CRTC2: variants seen among roughly 807,000 people sequenced by gnomAD.
The protein encoded by CRTC2 is CREB regulated transcription coactivator 2, also known as CREB-regulated transcription coactivator 2.
In CRTC2, 25 loss-of-function variants were observed where a neutral mutation model predicts 70.9. The ratio of observed to expected loss-of-function variants is 0.35; its 90% confidence interval spans 0.26 to 0.49. CRTC2 has a LOEUF of 0.49. Ranked by LOEUF, CRTC2 falls within the 20% of genes least tolerant of loss-of-function variation. The pLI is 0.98. For synonymous variants in CRTC2, 330 were observed against 364.1 expected (o/e 0.91, Z 1.07); for missense variants, 737 against 882.6 (o/e 0.83, Z 2.09).
At chr1:153,953,161 C>T (rs372449713) in intron 6 of CRTC2, 105 bp downstream of exon 6, 22 of 628,054 alleles carry the variant, frequency 3.5e-5, no homozygotes, top group Non-Finnish European at 4.6e-5. Context: ...CCAGCCTAGG[C>T]GACAGAGTGA....
At chr1:153,950,322 T>A (rs1270524575) in intron 11 of CRTC2, among the ~76,000 whole-genome samples, 3 of 150,770 alleles carry the variant, frequency 2.0e-5, no homozygotes, top group African/African-American at 7.3e-5. Flanking sequence ...CCAGAGGGGG[T>A]GGGAAAAGAA....
chr1:153,952,001 C>G lies in CRTC2; in HGVS notation c.997+17G>C, dbSNP rs763451339. 8 of 1,608,306 alleles carry G rather than the reference C, an allele frequency of 5.0e-6. No individual in the cohort carries two copies. The highest frequency in any genetic ancestry group is 2.0e-4 in the Middle Eastern group (1 of 5,070). ...CAGGCAGCACCCAGTGGGCACATGG[C>G]CAGGACAGTCACTCACCTGGTGCAT... On this transcript the variant is annotated intron_variant, in intron 10 of 13. Transcript: ENST00000368633.
In CRTC2 at chr1:153,951,408, G is replaced by C. The variant is rs780041213; in HGVS notation, c.1256C>G (p.Ser419Cys). Residue 419 changes from serine to cysteine, a missense_variant, in exon 11 of 14, where the codon TCT becomes TGT. Transcript: ENST00000368633. ...GTGGTGGGGGGAGGCCCCAGGGGTA[G>C]AAGCAGGGTAAGAGGGGGCGCCCAA... ...PVLGAPSYPA[S>C]TPGASPHHRR... 1.9e-6 allele frequency: 3 copies of C among 1,609,278 alleles called. No individual in the cohort carries two copies. The Admixed American group carries it at 5.1e-5, about 27-fold the overall frequency.
chr1:153,948,725 C>T, intron 12 of CRTC2, 81 bp from the exon 13 acceptor site: 1 of 1,476,734 alleles, frequency 6.8e-7, no homozygotes, highest in Non-Finnish European at 9.4e-7. Context: ...ATCCCCTTTG[C>T]CCAGCAACCT....
In CRTC2 at chr1:153,953,377, G is replaced by C; in HGVS notation, c.504-8C>G. On this transcript the variant is annotated splice_region_variant and splice_polypyrimidine_tract_variant and intron_variant, in intron 5 of 13. Transcript: ENST00000368633. ...GCAGAGTCAGAGCTTGTCCTATGGGGGGAGCAGGAATGAGCTGACACCAGT... is the reference window on the plus strand; with the variant it reads ...GCAGAGTCAGAGCTTGTCCTATGGGCGGAGCAGGAATGAGCTGACACCAGT... 1 of 1,596,912 alleles carries C rather than the reference G, an allele frequency of 6.3e-7. No homozygotes were observed. The highest frequency in any genetic ancestry group is 8.6e-7 in the Non-Finnish European group (1 of 1,168,146).
chr1:153,949,806 C>T (rs1454176178), intron 11 of CRTC2, among the ~76,000 whole-genome samples: 2 of 151,726 alleles, frequency 1.3e-5, no homozygotes, highest in Non-Finnish European at 2.9e-5. Flanking sequence ...GCCAAGATCA[C>T]ACCACTGCAC....
chr1:153,957,930 G>A lies in CRTC2; in HGVS notation c.153+415C>T, dbSNP rs181792734. On this transcript the variant is annotated intron_variant, in intron 1 of 13. Transcript: ENST00000368633. ...CGCAGAAGGCAGAGGGACCAGTTTG[G>A]AGGAGATCACAAACTCAGAGGAGCC... The A allele has an allele frequency of 8.8e-4, 584 of 666,406 alleles. 2 individuals carry two copies. The highest frequency in any genetic ancestry group is 8.3e-3 in the African/African-American group (418 of 50,462). The allele number at this position is 666,406 out of a possible 1,614,324, so 41.3% of individuals were successfully genotyped here.
chr1:153,948,849 A>C lies in CRTC2; in HGVS notation c.1675-205T>G, dbSNP rs544926863. The C allele has an allele frequency of 1.2e-4, 87 of 747,502 alleles. No individual in the cohort carries two copies. In the Admixed American group the frequency reaches 1.7e-3, roughly 15 times the overall value. 46.3% of individuals were successfully genotyped at this position (747,502 alleles called of 1,614,324 possible). ...GGCACCGTACCTGCTGGGCCAGAGC[A>C]TGTGCATGCCAGGAAGAGAACGGGT... On this transcript the variant is annotated intron_variant, in intron 12 of 13. Coordinates refer to ENST00000368633, the MANE Select transcript of CRTC2 (RefSeq NM_181715.3).
At chr1:153,951,204 C>T in intron 11 of CRTC2, 56 bp downstream of exon 11, 1 of 1,577,778 alleles carries the variant, frequency 6.3e-7, no homozygotes, top group Non-Finnish European at 8.7e-7. Context: ...AGGGAAACAA[C>T]ATGGCAGGAG....
chr1:153,957,053 GATA>G (rs377663951), intron 1 of CRTC2, among the ~76,000 whole-genome samples: 42 of 152,240 alleles, frequency 2.8e-4, no homozygotes, highest in African/African-American at 1.0e-3. Flanking sequence ...TCTACAGTTA[GATA>G]ATAATCCTCA....
rs1680198036 is a variant in CRTC2 at position 153,949,338 on chromosome 1, G to A, written c.1451C>T (p.Pro484Leu). The A allele has an allele frequency of 9.3e-6, 15 of 1,613,626 alleles. No individual in the cohort carries two copies. Among genetic ancestry groups the A allele is most frequent in the Non-Finnish European group, 1.3e-5 (15 of 1,179,962 alleles). The change falls in exon 12 of 14, where the codon CCC becomes CTC. Residue 484 changes from proline to leucine, a missense_variant. By Grantham distance (98) the Pro-to-Leu change is moderately conservative. Transcript: ENST00000368633. ...TSKLSTDQRL[P>L]PYPYSSPSLV... ...ACTTGGGGAGCTGTATGGGTATGGG[G>A]GTAACCGCTGGTCAGTGGACAGTTT...
chr1:153,951,878 G>T, intron 10 of CRTC2, 140 bp downstream of exon 10: 1 of 1,257,970 alleles, frequency 7.9e-7, no homozygotes, highest in Admixed American at 2.2e-5. Context: ...GCTGAGAACT[G>T]CCGTGAGGGA....
intron 12 of CRTC2, chr1:153,948,856 T>C (rs536384683): frequency 6.7e-6 from 5 of 746,088 alleles, no homozygotes; most frequent in Non-Finnish European, 1.2e-5. Flanking sequence ...AGCATGTGCA[T>C]GCCAGGAAGA....
In CRTC2 at chr1:153,955,147, C is replaced by G; in HGVS notation, c.173G>C (p.Arg58Pro). 1 of 1,613,856 alleles carries G rather than the reference C, an allele frequency of 6.2e-7. No homozygotes were observed. The highest frequency in any genetic ancestry group is 1.3e-5 in the African/African-American group (1 of 75,032). Residue 58 changes from arginine (R) to proline (P), a missense_variant, in exon 2 of 14, where the codon CGA becomes CCA. Around this residue, in one of 3 missense-constraint regions of CRTC2, gnomAD observed 699 missense variants for 823.7 expected, o/e 0.85. Transcript: ENST00000368633. ...GSTRLQAQKL[R>P]LAYTRSSHYG... The stretch of plus-strand genomic sequence containing the variant: ...ATGAGAGCTCCTTGTGTATGCCAGT[C>G]GCAGTTTTTGGGCCTGTAACTGAGA...
chr1:153,949,525 G>T, intron 11 of CRTC2, 141 bp from the exon 12 acceptor site: 1 of 903,876 alleles, frequency 1.1e-6, no homozygotes, highest in Non-Finnish European at 1.6e-6. Context: ...GCATCCCTGG[G>T]GTTGAGTGCA....
rs776407350 is a variant in CRTC2, at chr1:153,955,095, G to C, written c.225C>G (p.Asn75Lys). The C allele has an allele frequency of 6.2e-7, 1 of 1,614,020 alleles. No homozygotes were observed. The highest frequency in any genetic ancestry group is 8.5e-7 in the Non-Finnish European group (1 of 1,179,994). ...SHYGGSLPNVNQIGSGLAEFQ... is the reference protein window; with the variant it reads ...SHYGGSLPNVKQIGSGLAEFQ... ...ACTCGGCCAGGCCAGAGCCAATCTG[G>C]TTAACATTGGGCAGAGACCCACCAT... Residue 75 changes from asparagine (N) to lysine (K), a missense_variant, in exon 2 of 14, where the codon AAC (asparagine) becomes AAG (lysine). By Grantham distance (94) the Asn-to-Lys change is moderately conservative (BLOSUM62 0). Around this residue, in one of 3 missense-constraint regions of CRTC2, gnomAD observed 699 missense variants for 823.7 expected, o/e 0.85. Coordinates refer to ENST00000368633, the MANE Select transcript of CRTC2 (RefSeq NM_181715.3).
Position 153,957,214 on chromosome 1 carries a change from GA to G in CRTC2, c.153+1130del, listed in dbSNP as rs796253346. Among the ~76,000 whole-genome samples the G allele has an allele frequency of 3.8e-3, 527 of 136,962 alleles. 3 individuals carry two copies. Among genetic ancestry groups the G allele is most frequent in the African/African-American group, 0.011 (400 of 37,242 alleles). 89.9% of individuals were successfully genotyped at this position (136,962 alleles called of 152,430 possible). ...TAGAGACTCAAAGGGGAAAGGACGA[GA>G]AAAAAAAAAAAGTAACAGAGTCAAG... On this transcript the variant is annotated intron_variant, in intron 1 of 13. Coordinates refer to ENST00000368633, the MANE Select transcript of CRTC2 (RefSeq NM_181715.3).
At chr1:153,955,473 A>T (rs1206161548) in intron 1 of CRTC2, among the ~76,000 whole-genome samples, 1 of 149,636 alleles carries the variant, frequency 6.7e-6, no homozygotes, top group Non-Finnish European at 1.5e-5. Flanking sequence ...AGGCTGAGGC[A>T]GGAGAATGGC....
chr1:153,948,851 G>A (rs1216135780), intron 12 of CRTC2: 9 of 746,912 alleles, frequency 1.2e-5, no homozygotes, highest in Admixed American at 2.0e-5. Context: ...GCCAGAGCAT[G>A]TGCATGCCAG....
Sources: allele counts gnomAD v4.1 joint callset (sites outside exome capture counted in the v4.1 genomes callset), GRCh38; gene constraint gnomAD v4.1.1; regional missense constraint gnomAD v4.1.1; transcripts MANE v1.5; gene names NCBI Gene and HGNC (gene_info 2026-07-23, HGNC 2026-07-21).